Variants in GALNT9 observed in about 807,000 individuals in gnomAD.
GALNT9 encodes the protein GalNAc transferase 9.
A neutral mutation model predicts 63.1 loss-of-function variants in GALNT9; 47 were observed. The observed-to-expected ratio is 0.75, with a 90% CI of 0.59 to 0.95. The LOEUF (loss-of-function observed/expected upper bound fraction) is 0.95. Among genes scored for constraint, GALNT9 ranks in the 40% least tolerant of loss-of-function variants. The pLI, the probability that GALNT9 is intolerant of heterozygous loss-of-function variation, is 0.00. For synonymous variants in GALNT9, 396 were observed against 365.7 expected (o/e 1.08, Z -0.94); for missense variants, 829 against 874.8 (o/e 0.95, Z 0.66).
At position 132,319,199 on chromosome 12, in the gene GALNT9, C is replaced by T. The variant is rs1230925363; in HGVS notation, c.238+9767G>A. 6.6e-6 allele frequency among the ~76,000 whole-genome samples: 1 copy of T among 152,178 alleles called. No individual in the cohort carries two copies. On this transcript the variant is annotated intron_variant, in intron 1 of 10. Transcript: ENST00000328957. This position sits in a 1 kb window ranked among gnomAD's most constrained non-coding sequence, Gnocchi z 5.2. Reference sequence around the variant, plus strand: ...GATGCCCAGGTGGCTGGAAGTATTGCTTCCAGGTGCGTCTGTGCGAGATTT... The same window carrying T: ...GATGCCCAGGTGGCTGGAAGTATTGTTTCCAGGTGCGTCTGTGCGAGATTT...
Position 132,286,765 on chromosome 12 carries a change from G to A in GALNT9, c.239-335C>T, listed in dbSNP as rs547460111. 2.6e-5 allele frequency among the ~76,000 whole-genome samples: 4 copies of A among 152,156 alleles called. No individual in the cohort carries two copies. The highest frequency in any genetic ancestry group is 4.8e-5 in the African/African-American group (2 of 41,442). On this transcript the variant is annotated intron_variant, in intron 1 of 10. Transcript: ENST00000328957. This position sits in a 1 kb window ranked among gnomAD's most constrained non-coding sequence, Gnocchi z 7.4. ...GTCTTGCTCTGTCACCCAGGCTGCA[G>A]TGCAGTGGCATGATCTCAGCTCACT... is the stretch of plus-strand genomic sequence containing the variant.
At chr12:132,229,179 T>C (rs1292154237) in intron 6 of GALNT9, among the ~76,000 whole-genome samples, 1 of 152,208 alleles carries the variant, frequency 6.6e-6, no homozygotes, top group East Asian at 1.9e-4. Context: ...CAGCTGCCTC[T>C]GCTCCTCCAT....
intron 6 of GALNT9, among the ~76,000 whole-genome samples, chr12:132,243,440 C>G (rs2136905507): frequency 1.3e-5 from 2 of 152,240 alleles, no homozygotes; most frequent in Non-Finnish European, 2.9e-5. Flanking sequence ...GGAGCTCTCT[C>G]TCTCTGGTGG....
intron 6 of GALNT9, among the ~76,000 whole-genome samples, chr12:132,233,189 G>C (rs1877911130): frequency 1.7e-4 from 7 of 40,616 alleles, no homozygotes; most frequent in Admixed American, 5.6e-4. Flanking sequence ...CACTCGATGG[G>C]GCGACAGAGG....
At chr12:132,198,036 C>A in intron 9 of GALNT9, 77 bp from the exon 10 acceptor site, 1 of 1,199,040 alleles carries the variant, frequency 8.3e-7, no homozygotes, top group Admixed American at 2.2e-5. Context: ...GCCGTGCGAG[C>A]TGCCTTGAGC....
At chr12:132,270,073 A>C (rs1392360233) in intron 2 of GALNT9, among the ~76,000 whole-genome samples, 2 of 152,248 alleles carry the variant, frequency 1.3e-5, no homozygotes, top group Non-Finnish European at 2.9e-5. Flanking sequence ...TTATTCCAAC[A>C]AGAACAAGTC....
At chr12:132,237,179 G>A (rs1878036345) in intron 6 of GALNT9, among the ~76,000 whole-genome samples, 1 of 152,044 alleles carries the variant, frequency 6.6e-6, no homozygotes, top group Non-Finnish European at 1.5e-5. Flanking sequence ...GTCCTGACCT[G>A]GAGTCTGGCT....
At chr12:132,267,805 T>TCA (rs797031416) in intron 2 of GALNT9, among the ~76,000 whole-genome samples, 1 of 79,026 alleles carries the variant, frequency 1.3e-5, no homozygotes, top group Non-Finnish European at 2.6e-5. Context: ...TCACACGCAC[T>TCA]CACACACGCA....
At chr12:132,294,843 T>C (rs1880994920) in intron 1 of GALNT9, among the ~76,000 whole-genome samples, 1 of 152,210 alleles carries the variant, frequency 6.6e-6, no homozygotes, top group Non-Finnish European at 1.5e-5. Flanking sequence ...GTGCGGAAGG[T>C]TGCCGTGGGC....
chr12:132,253,483 T>G (rs28697172), intron 5 of GALNT9, among the ~76,000 whole-genome samples: 2 of 148,714 alleles, frequency 1.3e-5, no homozygotes, highest in South Asian at 2.3e-4. Context: ...CTCACAATGT[T>G]CCTTCAGCAC....
chr12:132,268,887 G>A (rs1879757898), intron 2 of GALNT9, among the ~76,000 whole-genome samples: 1 of 152,262 alleles, frequency 6.6e-6, no homozygotes, highest in Admixed American at 6.5e-5. Context: ...AGCGGCGCCG[G>A]TGAGGGTCGC....
chr12:132,226,942 CCA>C (rs1316886899), intron 6 of GALNT9, among the ~76,000 whole-genome samples: 1 of 149,186 alleles, frequency 6.7e-6, no homozygotes, highest in African/African-American at 2.5e-5. Flanking sequence ...TGTACACACC[CCA>C]CATACACCCC....
chr12:132,281,910 T>C (rs1555241705), intron 2 of GALNT9, among the ~76,000 whole-genome samples: 1 of 112,242 alleles, frequency 8.9e-6, no homozygotes, highest in African/African-American at 3.7e-5. Flanking sequence ...GGCCTGGGGG[T>C]CCCCGATCCC....
chr12:132,208,258 C>T (rs78027370), intron 6 of GALNT9, among the ~76,000 whole-genome samples: 4 of 152,076 alleles, frequency 2.6e-5, no homozygotes, highest in Non-Finnish European at 4.4e-5. Context: ...CTTGGCCCCC[C>T]TCTCAGGGGC....
intron 6 of GALNT9, 95 bp from the exon 7 acceptor site, chr12:132,203,785 C>T: frequency 2.9e-6 from 4 of 1,382,216 alleles, no homozygotes; most frequent in Non-Finnish European, 3.9e-6. Flanking sequence ...GGGCCCGGCC[C>T]TCTGTTCCTG....
At chr12:132,203,794 T>C (rs186610846) in intron 6 of GALNT9, 104 bp from the exon 7 acceptor site, 33,896 of 1,282,502 alleles carry the variant, frequency 0.026, 530 homozygotes, top group Non-Finnish European at 0.032. Context: ...CCTCTGTTCC[T>C]GGGGCACCCC....
At position 132,269,530 on chromosome 12, in the gene GALNT9, C is replaced by G. The variant is rs558980007; in HGVS notation, c.420-6905G>C. Among the ~76,000 whole-genome samples the G allele has an allele frequency of 3.3e-4, 50 of 152,256 alleles. 1 individual carries two copies. The East Asian group carries it at 9.3e-3, about 28-fold the overall frequency. On this transcript the variant is annotated intron_variant, in intron 2 of 10. Coordinates refer to ENST00000328957, the MANE Select transcript of GALNT9 (RefSeq NM_001122636.2). ...GCCCGTGCCGGTCCCGAGCCCAGGGCGGGGTGGCCTTTTCCTGGGGCAGGT... is the reference window on the plus strand; with the variant it reads ...GCCCGTGCCGGTCCCGAGCCCAGGGGGGGGTGGCCTTTTCCTGGGGCAGGT...
At chr12:132,223,227 A>AACCCGCG in intron 6 of GALNT9, among the ~76,000 whole-genome samples, 2 of 85,994 alleles carry the variant, frequency 2.3e-5, no homozygotes, top group African/African-American at 4.7e-5. Flanking sequence ...CACCCCAGAC[A>AACCCGCG]CCCCACACAA....
At position 132,257,875 on chromosome 12, in the gene GALNT9, G is replaced by A; in HGVS notation, c.773C>T (p.Ala258Val). 6.5e-7 allele frequency: 1 copy of A among 1,542,134 alleles called. No individual in the cohort carries two copies. The change falls in exon 5 of 11, where the codon GCA becomes GTA. Residue 258 changes from alanine to valine, a missense_variant. Transcript: ENST00000328957. ...VEFNTGWAEP[A>V]LSRIREDRRR... ...CCGGTCCTCTCGGATCCGCGACAGT[G>A]CGGGCTCGGCCCTGCGGAGGCACAG...
Sources: gnomAD v4.1 joint callset for allele counts (sites outside exome capture counted in the v4.1 genomes callset) on GRCh38, gnomAD v4.1.1 for gene constraint, Gnocchi (gnomAD v3.1) non-coding constraint, MANE v1.5 for transcripts, NCBI Gene and HGNC (gene_info 2026-07-23, HGNC 2026-07-21) for gene names.